UHRF2: variants seen among roughly 807,000 people sequenced by gnomAD.
UHRF2 encodes E3 ubiquitin-protein ligase UHRF2.
Under a neutral mutation model 96.8 loss-of-function variants are expected in UHRF2, and 23 were observed. That is an observed-to-expected ratio of 0.24 (90% confidence interval 0.17 to 0.34). UHRF2 has a LOEUF of 0.34. UHRF2 is among the 10% of genes least tolerant of loss of function. UHRF2 has a pLI of 1.00. For synonymous variants in UHRF2, 385 were observed against 332.6 expected (o/e 1.16, Z -1.72); for missense variants, 685 against 981.5 (o/e 0.70, Z 4.04).
intron 3 of UHRF2, among the ~76,000 whole-genome samples, chr9:6,447,180 C>T (rs1270695428): frequency 2.6e-5 from 4 of 152,154 alleles, no homozygotes; most frequent in Admixed American, 6.5e-5. Context: ...TGAGCCACCG[C>T]GCCCAGCCAG....
At position 6,477,495 on chromosome 9, in the gene UHRF2, C is replaced by T. The variant is rs150034325; in HGVS notation, c.974-127C>T. On this transcript the variant is annotated intron_variant, in intron 5 of 15. Coordinates refer to ENST00000276893, the MANE Select transcript of UHRF2 (RefSeq NM_152896.3). The stretch of plus-strand genomic sequence containing the variant: ...GAGCCAAGATCACGCCATTGCACTC[C>T]AGCCTGGGTAACAAGAGCAAAACTC... 364 of 853,950 alleles carry T rather than the reference C, an allele frequency of 4.3e-4. 6 individuals are homozygous for T. In the East Asian group the frequency reaches 0.01, roughly 23 times the overall value. 52.9% of individuals were successfully genotyped at this position (853,950 alleles called of 1,614,324 possible).
At chr9:6,504,056 C>G (rs1816450286) in intron 14 of UHRF2, among the ~76,000 whole-genome samples, 1 of 126,060 alleles carries the variant, frequency 7.9e-6, no homozygotes, top group Admixed American at 9.0e-5. Context: ...GACCGAGTCT[C>G]GCTCTGTCAC....
chr9:6,481,850 G>A (rs1823947216), intron 7 of UHRF2, 84 bp downstream of exon 7: 1 of 1,542,696 alleles, frequency 6.5e-7, no homozygotes, highest in African/African-American at 1.4e-5. Context: ...TGGTATAAAA[G>A]ATTAAACAGT....
chr9:6,492,869 C>T (rs1414253751), intron 9 of UHRF2: 4 of 91,446 alleles, frequency 4.4e-5, no homozygotes, highest in Non-Finnish European at 6.4e-5. Context: ...TTAGTAGATA[C>T]TTTATACTAC....
At chr9:6,461,547 A>G (rs773561935) in intron 4 of UHRF2, among the ~76,000 whole-genome samples, 2 of 150,764 alleles carry the variant, frequency 1.3e-5, no homozygotes, top group Non-Finnish European at 3.0e-5. Flanking sequence ...TAACTTTTAT[A>G]TTTTTAGTAG....
In UHRF2 at chr9:6,451,326, C is replaced by G. The variant is rs1458073255; in HGVS notation, c.645-9247C>G. Among the ~76,000 whole-genome samples, 10 of 152,138 alleles carry G rather than the reference C, an allele frequency of 6.6e-5. 1 individual carries two copies. Among genetic ancestry groups the G allele is most frequent in the Admixed American group, 1.3e-4 (2 of 15,272 alleles). ...TTATGCTTTTGGTTTTTAGGGATTT[C>G]TCACATTTTGTTAATTGTGTTTATA... On this transcript the variant is annotated intron_variant, in intron 3 of 15. Transcript: ENST00000276893.
chr9:6,488,693 G>A (rs867544713), intron 9 of UHRF2, among the ~76,000 whole-genome samples: 1 of 151,174 alleles, frequency 6.6e-6, no homozygotes, highest in African/African-American at 2.4e-5. Context: ...CTAGAGATGG[G>A]GTTTCTCCAT....
At chr9:6,486,128 C>G (rs1025992264) in intron 8 of UHRF2, among the ~76,000 whole-genome samples, 1 of 152,006 alleles carries the variant, frequency 6.6e-6, no homozygotes, top group African/African-American at 2.4e-5. Flanking sequence ...TGTGTGACCA[C>G]TTAATATATT....
intron 3 of UHRF2, among the ~76,000 whole-genome samples, chr9:6,436,195 T>C (rs1820839421): frequency 6.6e-6 from 1 of 152,182 alleles, no homozygotes; most frequent in Non-Finnish European, 1.5e-5. Context: ...ATAACAACAC[T>C]TCAGTATTCA....
At chr9:6,432,858 T>A (rs2130764794) in intron 2 of UHRF2, among the ~76,000 whole-genome samples, 1 of 152,250 alleles carries the variant, frequency 6.6e-6, no homozygotes. Flanking sequence ...TTTTTCTTTT[T>A]GAGACAGAGT....
intron 6 of UHRF2, among the ~76,000 whole-genome samples, chr9:6,478,552 A>G (rs1045409867): frequency 1.3e-5 from 2 of 152,254 alleles, no homozygotes; most frequent in Admixed American, 1.3e-4. Context: ...TAACTACAAA[A>G]AGAAGTTATT....
chr9:6,423,421 A>G (rs1820050373), intron 2 of UHRF2, among the ~76,000 whole-genome samples: 1 of 152,174 alleles, frequency 6.6e-6, no homozygotes, highest in Non-Finnish European at 1.5e-5. Flanking sequence ...CAGCAAATAG[A>G]ATTATGGCTG....
In UHRF2 at chr9:6,473,699, A is replaced by G. The variant is rs184286455; in HGVS notation, c.864-1692A>G. On this transcript the variant is annotated intron_variant, in intron 4 of 15. Transcript: ENST00000276893. ...AGAGCCGGATAGTAAATAGTTTAAC[A>G]TGGGGGCCAGATGGTCTGTCACAAC... Among the ~76,000 whole-genome samples, 12 of 152,288 alleles carry G rather than the reference A, an allele frequency of 7.9e-5. No homozygotes were observed. In the East Asian group the frequency reaches 2.3e-3, roughly 29 times the overall value.
At chr9:6,433,424 C>CT (rs770650329) in intron 2 of UHRF2, among the ~76,000 whole-genome samples, 2 of 151,870 alleles carry the variant, frequency 1.3e-5, no homozygotes, top group African/African-American at 4.8e-5. Flanking sequence ...TCATTAGACT[C>CT]TTTTTTTTAT....
chr9:6,435,891 G>C (rs1245319722), intron 3 of UHRF2, among the ~76,000 whole-genome samples: 2 of 152,194 alleles, frequency 1.3e-5, no homozygotes, highest in African/African-American at 4.8e-5. Context: ...TTACAGGCCT[G>C]AGCCACCACG....
chr9:6,504,506 G>A lies in UHRF2; in HGVS notation c.2164-87G>A, dbSNP rs904153286. 1.0e-5 allele frequency: 8 copies of A among 770,932 alleles called. No homozygotes were observed. In the Admixed American group the frequency reaches 1.7e-4, roughly 17 times the overall value. 47.8% of individuals were successfully genotyped at this position (770,932 alleles called of 1,614,324 possible). A position where few individuals can be genotyped will look rare whatever the true frequency, so the allele number is the denominator to read the frequency against. ...GGAACATTTGAATTATTCTCTACTA[G>A]CTGTTTTGAAATACACAGTAGATGA... On this transcript the variant is annotated intron_variant, in intron 14 of 15. Transcript: ENST00000276893.
intron 3 of UHRF2, among the ~76,000 whole-genome samples, chr9:6,452,227 C>G (rs145571998): frequency 6.6e-6 from 1 of 151,968 alleles, no homozygotes; most frequent in African/African-American, 2.4e-5. Context: ...GTTTTTAGAC[C>G]TGTTACAAAT....
At chr9:6,446,681 G>A (rs970211909) in intron 3 of UHRF2, among the ~76,000 whole-genome samples, 4 of 151,568 alleles carry the variant, frequency 2.6e-5, no homozygotes, top group Non-Finnish European at 4.4e-5. Context: ...GTGAAACCCC[G>A]TCTCTATAGG....
At chr9:6,456,756 G>T (rs570170081) in intron 3 of UHRF2, among the ~76,000 whole-genome samples, 61 of 152,270 alleles carry the variant, frequency 4.0e-4, no homozygotes, top group Middle Eastern at 6.8e-3. Flanking sequence ...CATGTGGCTA[G>T]CCAGTTTTCC....
Sources: gnomAD v4.1 joint callset for allele counts (sites outside exome capture counted in the v4.1 genomes callset) on GRCh38, gnomAD v4.1.1 for gene constraint, MANE v1.5 for transcripts, NCBI Gene and HGNC (gene_info 2026-07-23, HGNC 2026-07-21) for gene names.